Variants in POLE4 observed in about 807,000 individuals in gnomAD.
POLE4 encodes DNA polymerase epsilon subunit 4.
POLE4 carries 15 observed loss-of-function variants against 15.6 expected under a neutral mutation model. That is an observed-to-expected ratio of 0.96 (90% CI 0.64 to 1.48). POLE4 has a LOEUF of 1.48. Ranked by LOEUF, POLE4 falls within the 40% of genes most tolerant of loss-of-function variation. The pLI is 0.00. For missense variants in POLE4, 205 were observed against 151.9 expected, an observed-to-expected ratio of 1.35 and a Z score of -1.84; for synonymous variants, 83 against 63.2, an observed-to-expected ratio of 1.31 and a Z score of -1.49.
intron 3 of POLE4, among the ~76,000 whole-genome samples, chr2:74,964,214 G>A (rs971996924): frequency 6.6e-6 from 1 of 152,058 alleles, no homozygotes; most frequent in Admixed American, 6.5e-5. Flanking sequence ...TCCATTGATG[G>A]GTATTCTCAC....
intron 3 of POLE4, among the ~76,000 whole-genome samples, chr2:74,961,796 T>C (rs1282727718): frequency 2.0e-5 from 3 of 152,218 alleles, no homozygotes; most frequent in East Asian, 1.9e-4. Context: ...CTGTCCTACA[T>C]TGGTAGATCT....
chr2:74,960,223 G>T, intron 3 of POLE4, 77 bp downstream of exon 3: 1 of 1,181,180 alleles, frequency 8.5e-7, no homozygotes, highest in Non-Finnish European at 1.3e-6. Context: ...CTCATAAAAC[G>T]GATGCCTGCT....
chr2:74,961,152 C>T (rs1378849853), intron 3 of POLE4: 2 of 152,402 alleles, frequency 1.3e-5, no homozygotes, highest in African/African-American at 4.8e-5. Context: ...TAGCAAAAGC[C>T]ATGTATCCTT....
chr2:74,961,367 T>A (rs1464980829), intron 3 of POLE4: 2 of 152,230 alleles, frequency 1.3e-5, no homozygotes, highest in African/African-American at 4.8e-5. Context: ...GAGCATTCTT[T>A]TAATTTGCAG....
At chr2:74,965,229 G>T (rs948391596) in intron 3 of POLE4, among the ~76,000 whole-genome samples, 1 of 151,656 alleles carries the variant, frequency 6.6e-6, no homozygotes, top group Non-Finnish European at 1.5e-5. Context: ...GAGTAGCTGG[G>T]ATTACAGGCT....
chr2:74,959,591 T>C (rs941008650), intron 2 of POLE4, 166 bp downstream of exon 2: 1 of 575,278 alleles, frequency 1.7e-6, no homozygotes, highest in Non-Finnish European at 3.1e-6. Flanking sequence ...GTAGAGGCTG[T>C]CTGCTTGGGG....
intron 3 of POLE4, among the ~76,000 whole-genome samples, chr2:74,962,751 C>T (rs1192349560): frequency 1.3e-5 from 2 of 152,160 alleles, no homozygotes; most frequent in Non-Finnish European, 2.9e-5. Context: ...CATTCTTCAT[C>T]ATACCTATTC....
At position 74,963,463 on chromosome 2, in the gene POLE4, T is replaced by G. The variant is rs192916973; in HGVS notation, c.340+3317T>G. 3.7e-3 allele frequency among the ~76,000 whole-genome samples: 571 copies of G among 152,312 alleles called. 5 individuals are homozygous for G. The highest frequency in any genetic ancestry group is 6.4e-3 in the Non-Finnish European group (436 of 68,026). ...CTGTTAGCTATTTTTGTCCTTTTTC[T>G]TATTGACTTATAAAAATGCTTGCTG... is the stretch of plus-strand genomic sequence containing the variant. On this transcript the variant is annotated intron_variant, in intron 3 of 3. Transcript: ENST00000483063.
chr2:74,959,009 G>T, intron 1 of POLE4, 117 bp downstream of exon 1: 1 of 943,690 alleles, frequency 1.1e-6, no homozygotes, highest in Non-Finnish European at 1.6e-6. Flanking sequence ...AGATGTGGGC[G>T]TGGACCCGGA....
chr2:74,961,617 A>G (rs914821172), intron 3 of POLE4: 1 of 152,236 alleles, frequency 6.6e-6, no homozygotes, highest in African/African-American at 2.4e-5. Context: ...ACTGGAGGGT[A>G]CTAGGAATAG....
intron 3 of POLE4, among the ~76,000 whole-genome samples, chr2:74,966,330 A>G (rs1480398270): frequency 6.6e-6 from 1 of 152,102 alleles, no homozygotes; most frequent in African/African-American, 2.4e-5. Context: ...TACATAAGGC[A>G]TTTTTATTCC....
chr2:74,965,362 G>C (rs917840023), intron 3 of POLE4, among the ~76,000 whole-genome samples: 1 of 152,120 alleles, frequency 6.6e-6, no homozygotes, highest in Non-Finnish European at 1.5e-5. Context: ...GCCTCCCAAA[G>C]TGTTGGGATT....
At chr2:74,958,985 T>C in intron 1 of POLE4, 93 bp downstream of exon 1, 1 of 1,222,448 alleles carries the variant, frequency 8.2e-7, no homozygotes, top group South Asian at 1.5e-5. Context: ...TAGGGCGGCG[T>C]GGCCCGGGTT....
chr2:74,963,781 C>T (rs954133717), intron 3 of POLE4, among the ~76,000 whole-genome samples: 3 of 152,096 alleles, frequency 2.0e-5, no homozygotes, highest in African/African-American at 4.8e-5. Context: ...TGAGCCACTG[C>T]GCCCAGCCGT....
At chr2:74,962,536 T>G (rs1398824532) in intron 3 of POLE4, among the ~76,000 whole-genome samples, 1 of 152,246 alleles carries the variant, frequency 6.6e-6, no homozygotes, top group Non-Finnish European at 1.5e-5. Flanking sequence ...CAACTGTTAC[T>G]AGTTTTCTTC....
intron 3 of POLE4, chr2:74,960,573 C>A (rs1477304523): frequency 2.0e-6 from 1 of 502,920 alleles, no homozygotes; most frequent in African/African-American, 1.9e-5. Context: ...AAGACTTGTA[C>A]TTGTCTGTAT....
At chr2:74,959,259 C>A in intron 1 of POLE4, 82 bp from the exon 2 acceptor site, 2 of 834,276 alleles carry the variant, frequency 2.4e-6, no homozygotes, top group Non-Finnish European at 4.0e-6. Flanking sequence ...TTCTCCCTTT[C>A]TGCCCCCACC....
intron 2 of POLE4, chr2:74,959,785 C>T (rs755961300): frequency 2.7e-5 from 12 of 451,164 alleles, no homozygotes; most frequent in Admixed American, 7.8e-5. Context: ...TATTCTCATG[C>T]GCCCTGCGTC....
At chr2:74,963,014 G>A (rs977033055) in intron 3 of POLE4, among the ~76,000 whole-genome samples, 1 of 152,192 alleles carries the variant, frequency 6.6e-6, no homozygotes, top group African/African-American at 2.4e-5. Flanking sequence ...CTTGCTATAT[G>A]ACAGTACCAC....
Sources: gnomAD v4.1 joint callset for allele counts (sites outside exome capture counted in the v4.1 genomes callset) on GRCh38, gnomAD v4.1.1 for gene constraint, MANE v1.5 for transcripts, NCBI Gene and HGNC (gene_info 2026-07-23, HGNC 2026-07-21) for gene names.